The following SLC39A11 variants were observed in gnomAD, a reference collection of about 807,000 sequenced individuals.
SLC39A11 encodes the protein solute carrier family 39 member 11, also known as zinc transporter ZIP11.
In SLC39A11, 33 loss-of-function variants were observed where a neutral mutation model predicts 36.1. The ratio of observed to expected loss-of-function variants is 0.91; its 90% CI spans 0.69 to 1.22. SLC39A11 has a LOEUF of 1.22. Ranked by LOEUF, SLC39A11 falls within the 50% of genes most tolerant of loss-of-function variation. The pLI is 0.00. For synonymous variants in SLC39A11, 166 were observed against 170.3 expected (o/e 0.97, Z 0.20); for missense variants, 432 against 430.3 (o/e 1.00, Z -0.03).
intron 4 of SLC39A11, among the ~76,000 whole-genome samples, chr17:72,999,939 G>A (rs1332850185): frequency 2.6e-5 from 4 of 151,880 alleles, no homozygotes; most frequent in Non-Finnish European, 5.9e-5. Flanking sequence ...TGGGGGTTTC[G>A]CCATGTTACC....
chr17:72,820,758 C>T (rs2077745041), intron 6 of SLC39A11, among the ~76,000 whole-genome samples: 1 of 150,710 alleles, frequency 6.6e-6, no homozygotes, highest in Admixed American at 6.6e-5. Context: ...TGCTAACGGG[C>T]GGGCAGAAGC....
chr17:72,846,681 G>A lies in SLC39A11; in HGVS notation c.601+2953C>T, dbSNP rs187255675. 2.4e-3 allele frequency among the ~76,000 whole-genome samples: 359 copies of A among 152,232 alleles called. 1 individual carries two copies. Among genetic ancestry groups the A allele is most frequent in the Non-Finnish European group, 3.9e-3 (266 of 68,014 alleles). ...TAAAAGGGTCCATTAGAGGAAAGTTGGATACTCATTCCATTGCTATAAAGT... is the reference window on the plus strand; with the variant it reads ...TAAAAGGGTCCATTAGAGGAAAGTTAGATACTCATTCCATTGCTATAAAGT... On this transcript the variant is annotated intron_variant, in intron 6 of 9. Transcript: ENST00000255559.
At chr17:72,914,590 C>T (rs2083227033) in intron 5 of SLC39A11, among the ~76,000 whole-genome samples, 2 of 151,938 alleles carry the variant, frequency 1.3e-5, no homozygotes, top group Admixed American at 6.6e-5. Flanking sequence ...TTGTATAAAA[C>T]GTTGAATAGG....
intron 4 of SLC39A11, among the ~76,000 whole-genome samples, chr17:73,003,414 T>C (rs2089934953): frequency 1.3e-5 from 2 of 152,064 alleles, no homozygotes; most frequent in African/African-American, 2.4e-5. Context: ...TGGAGACTGA[T>C]GGAGAACTAG....
At chr17:72,744,945 G>T (rs2074867217) in intron 6 of SLC39A11, among the ~76,000 whole-genome samples, 1 of 152,176 alleles carries the variant, frequency 6.6e-6, no homozygotes, top group African/African-American at 2.4e-5. Context: ...TGGTTCAAGT[G>T]ATTCTCCTGC....
intron 4 of SLC39A11, among the ~76,000 whole-genome samples, chr17:73,013,057 C>T (rs1234284945): frequency 1.3e-5 from 2 of 152,028 alleles, no homozygotes; most frequent in African/African-American, 4.8e-5. Context: ...CCTCGGCCTC[C>T]CAAAATGCTG....
intron 3 of SLC39A11, among the ~76,000 whole-genome samples, chr17:73,038,884 T>C (rs2059017098): frequency 6.6e-6 from 1 of 151,992 alleles, no homozygotes; most frequent in South Asian, 2.1e-4. Flanking sequence ...TGGTTGTTGC[T>C]GAACTCTTCT....
intron 5 of SLC39A11, among the ~76,000 whole-genome samples, chr17:72,931,066 T>C (rs766486034): frequency 1.8e-4 from 28 of 152,060 alleles, no homozygotes; most frequent in Non-Finnish European, 2.8e-4. Context: ...TGCTGATGCT[T>C]AGAAGTGAGA....
At chr17:72,752,543 G>A (rs953260485) in intron 6 of SLC39A11, among the ~76,000 whole-genome samples, 1 of 152,072 alleles carries the variant, frequency 6.6e-6, no homozygotes, top group African/African-American at 2.4e-5. Context: ...ACCACGCCCG[G>A]GCCTTAGTAT....
intron 7 of SLC39A11, among the ~76,000 whole-genome samples, chr17:72,724,283 C>T (rs1437597854): frequency 2.6e-5 from 4 of 152,106 alleles, no homozygotes; most frequent in Non-Finnish European, 4.4e-5. Context: ...CTGTTCGCTT[C>T]CCAGCCCTCA....
chr17:72,842,105 C>T (rs966348417), intron 6 of SLC39A11, among the ~76,000 whole-genome samples: 18 of 50,998 alleles, frequency 3.5e-4, no homozygotes, highest in South Asian at 2.9e-3. Context: ...TGTGTGTGCA[C>T]GCACGCGCAT....
chr17:72,752,891 T>G (rs1317273622), intron 6 of SLC39A11, among the ~76,000 whole-genome samples: 1 of 152,206 alleles, frequency 6.6e-6, no homozygotes, highest in African/African-American at 2.4e-5. Context: ...GGTCTCACTC[T>G]GTGGCCCGGG....
chr17:72,647,930 A>C (rs1472432629), intron 9 of SLC39A11, among the ~76,000 whole-genome samples: 1 of 152,194 alleles, frequency 6.6e-6, no homozygotes, highest in African/African-American at 2.4e-5. Flanking sequence ...AAGGTCACCT[A>C]TGATCGTTCT....
intron 6 of SLC39A11, among the ~76,000 whole-genome samples, chr17:72,833,951 A>C (rs573667313): frequency 6.6e-6 from 1 of 152,358 alleles, no homozygotes; most frequent in Admixed American, 6.5e-5. Flanking sequence ...CAATGTGAAA[A>C]GGCTGACATT....
intron 5 of SLC39A11, among the ~76,000 whole-genome samples, chr17:72,856,329 T>C (rs2079641162): frequency 6.6e-6 from 1 of 152,226 alleles, no homozygotes; most frequent in Non-Finnish European, 1.5e-5. Flanking sequence ...ATTTTTCAAT[T>C]TCAGGCATAT....
chr17:72,872,647 T>G (rs2080695002), intron 5 of SLC39A11, among the ~76,000 whole-genome samples: 1 of 152,210 alleles, frequency 6.6e-6, no homozygotes, highest in Non-Finnish European at 1.5e-5. Flanking sequence ...GAAGTTAGTT[T>G]CTAGTGTAAC....
chr17:72,842,101 T>TGTGTGTGTGTGTGC (rs1038886075), intron 6 of SLC39A11, among the ~76,000 whole-genome samples: 12 of 150,938 alleles, frequency 8.0e-5, no homozygotes, highest in African/African-American at 2.9e-4. Flanking sequence ...TGTGTGTGTG[T>TGTGTGTGTGTGTGC]GCACGCACGC....
chr17:72,918,802 G>A (rs2083473025), intron 5 of SLC39A11, among the ~76,000 whole-genome samples: 1 of 152,222 alleles, frequency 6.6e-6, no homozygotes, highest in African/African-American at 2.4e-5. Flanking sequence ...AGTGGCTCAA[G>A]CTTGTAATCC....
intron 6 of SLC39A11, among the ~76,000 whole-genome samples, chr17:72,848,268 C>T (rs530580207): frequency 6.6e-6 from 1 of 152,334 alleles, no homozygotes; most frequent in South Asian, 2.1e-4. Context: ...TTTCAAAATG[C>T]ATCCCAAATT....
Sources: gnomAD v4.1 joint callset for allele counts (sites outside exome capture counted in the v4.1 genomes callset) on GRCh38, gnomAD v4.1.1 for gene constraint, MANE v1.5 for transcripts, NCBI Gene and HGNC (gene_info 2026-07-23, HGNC 2026-07-21) for gene names.